CNTNAP5: variants seen among roughly 807,000 people sequenced by gnomAD.
CNTNAP5 encodes the protein contactin-associated protein-like 5.
A neutral mutation model predicts 150.2 loss-of-function variants in CNTNAP5; 72 were observed. That is an observed-to-expected ratio of 0.48 (90% CI 0.40 to 0.58). The LOEUF is 0.58. CNTNAP5 is among the 20% of genes least tolerant of loss of function. The probability of loss-of-function intolerance (pLI) is 0.00; values close to 1 mark genes in which losing one functional copy is unlikely to be tolerated. For missense variants in CNTNAP5, 1,636 were observed against 1,626.2 expected, an observed-to-expected ratio of 1.01 and a Z score of -0.10; for synonymous variants, 672 against 619.8, an observed-to-expected ratio of 1.08 and a Z score of -1.25.
At chr2:124,070,588 A>G (rs1682281319) in intron 1 of CNTNAP5, among the ~76,000 whole-genome samples, 1 of 151,996 alleles carries the variant, frequency 6.6e-6, no homozygotes, top group South Asian at 2.1e-4. Context: ...AAAAACTGAA[A>G]ATAGAGACAA....
intron 19 of CNTNAP5, among the ~76,000 whole-genome samples, chr2:124,811,110 C>A (rs990920121): frequency 6.9e-6 from 1 of 145,898 alleles, no homozygotes; most frequent in African/African-American, 2.7e-5. Flanking sequence ...TGAAAACCAA[C>A]CTCACCAAAA....
chr2:124,074,912 C>T (rs771063144), intron 1 of CNTNAP5, among the ~76,000 whole-genome samples: 2 of 152,082 alleles, frequency 1.3e-5, no homozygotes, highest in Non-Finnish European at 1.5e-5. Context: ...AAGCATGGTG[C>T]TATTCCATTT....
intron 2 of CNTNAP5, among the ~76,000 whole-genome samples, chr2:124,223,732 A>T (rs1686384364): frequency 6.6e-6 from 1 of 151,792 alleles, no homozygotes; most frequent in South Asian, 2.1e-4. Context: ...TCTTTGCTCC[A>T]ACTTATTATA....
chr2:124,753,602 A>C (rs1680776877), intron 14 of CNTNAP5, among the ~76,000 whole-genome samples: 1 of 152,318 alleles, frequency 6.6e-6, no homozygotes, highest in South Asian at 2.1e-4. Flanking sequence ...TTCATTTACC[A>C]TCATATATTC....
intron 8 of CNTNAP5, among the ~76,000 whole-genome samples, chr2:124,521,902 A>C (rs1318464702): frequency 6.6e-6 from 1 of 152,290 alleles, no homozygotes; most frequent in East Asian, 1.9e-4. Flanking sequence ...GCCAGGACAC[A>C]AACCCTGGTC....
chr2:124,520,117 G>A (rs1694818932), intron 8 of CNTNAP5, among the ~76,000 whole-genome samples: 1 of 152,142 alleles, frequency 6.6e-6, no homozygotes, highest in Non-Finnish European at 1.5e-5. Context: ...TTTTTAACAA[G>A]ATGGGAATCA....
chr2:124,900,361 T>G (rs1678391314), intron 21 of CNTNAP5, among the ~76,000 whole-genome samples: 1 of 151,538 alleles, frequency 6.6e-6, no homozygotes. Flanking sequence ...TATTTTTGTT[T>G]TTTTTCCTCT....
chr2:124,773,042 T>G (rs1204555975), intron 17 of CNTNAP5, 25 bp downstream of exon 17: 1 of 1,590,508 alleles, frequency 6.3e-7, no homozygotes, highest in Non-Finnish European at 8.6e-7. Flanking sequence ...AAGGCTCCTT[T>G]TGTGCTAAAC....
intron 11 of CNTNAP5, among the ~76,000 whole-genome samples, chr2:124,571,632 A>C (rs1261075021): frequency 2.1e-5 from 3 of 140,538 alleles, no homozygotes; most frequent in Non-Finnish European, 1.5e-5. Context: ...TCCCAGGTTC[A>C]AGCGATTCTC....
intron 1 of CNTNAP5, among the ~76,000 whole-genome samples, chr2:124,114,448 A>T (rs915416644): frequency 6.6e-6 from 1 of 152,022 alleles, no homozygotes; most frequent in East Asian, 1.9e-4. Context: ...ATACGGAAGT[A>T]AATTTATTTT....
intron 4 of CNTNAP5, among the ~76,000 whole-genome samples, chr2:124,426,438 C>G (rs1692239573): frequency 6.6e-6 from 1 of 152,152 alleles, no homozygotes; most frequent in Admixed American, 6.5e-5. Context: ...GTCTTCAGTG[C>G]AAGAGTATGG....
intron 13 of CNTNAP5, among the ~76,000 whole-genome samples, chr2:124,669,041 G>A (rs1034579193): frequency 2.0e-5 from 3 of 152,138 alleles, no homozygotes; most frequent in African/African-American, 4.8e-5. Context: ...CCTCTGTGAA[G>A]CCCACCCTGA....
intron 11 of CNTNAP5, among the ~76,000 whole-genome samples, chr2:124,573,214 T>C (rs1696205912): frequency 6.6e-6 from 1 of 152,236 alleles, no homozygotes; most frequent in African/African-American, 2.4e-5. Flanking sequence ...ATCCAAAGAC[T>C]TCTTATCAGA....
intron 1 of CNTNAP5, among the ~76,000 whole-genome samples, chr2:124,033,680 T>C (rs1681125721): frequency 2.2e-4 from 1 of 4,578 alleles, no homozygotes; most frequent in Non-Finnish European, 3.6e-4. Flanking sequence ...AGGCCAGACA[T>C]GGGCCTGGTG....
At chr2:124,449,148 A>G (rs1692902748) in intron 6 of CNTNAP5, among the ~76,000 whole-genome samples, 1 of 152,228 alleles carries the variant, frequency 6.6e-6, no homozygotes, top group Admixed American at 6.5e-5. Context: ...AAAATATGCC[A>G]TTCATTAACT....
At chr2:124,587,707 G>T (rs1011515363) in intron 11 of CNTNAP5, among the ~76,000 whole-genome samples, 2 of 152,132 alleles carry the variant, frequency 1.3e-5, no homozygotes. Context: ...AATCATCAGT[G>T]ATGCTTGAAT....
Position 124,919,791 on chromosome 2 carries a change from A to C in CNTNAP5, c.*5503A>C, listed in dbSNP as rs1678838506. On this transcript the variant is annotated 3_prime_UTR_variant, in exon 24 of 24. Coordinates refer to ENST00000682447, the MANE Select transcript of CNTNAP5 (RefSeq NM_001367498.1). Reference sequence around the variant, plus strand: ...AAATTTTTTTTCAGGATTTTCTCAGAGTGCTTTAGAACTATTATTATAATT... The same window carrying C: ...AAATTTTTTTTCAGGATTTTCTCAGCGTGCTTTAGAACTATTATTATAATT... Among the ~76,000 whole-genome samples, 1 of 151,636 alleles carries C rather than the reference A, an allele frequency of 6.6e-6. No individual in the cohort carries two copies.
At chr2:124,719,550 T>C (rs1262370421) in intron 13 of CNTNAP5, among the ~76,000 whole-genome samples, 13 of 152,200 alleles carry the variant, frequency 8.5e-5, no homozygotes, top group Non-Finnish European at 1.6e-4. Flanking sequence ...TGCCTACTTT[T>C]AATTTTCTTT....
At chr2:124,083,250 A>G (rs1682599350) in intron 1 of CNTNAP5, among the ~76,000 whole-genome samples, 1 of 152,196 alleles carries the variant, frequency 6.6e-6, no homozygotes, top group South Asian at 2.1e-4. Flanking sequence ...CAGGAGGCTG[A>G]GGCAGGAGAA....
Sources: gnomAD v4.1 joint callset for allele counts (sites outside exome capture counted in the v4.1 genomes callset) on GRCh38, gnomAD v4.1.1 for gene constraint, MANE v1.5 for transcripts, NCBI Gene and HGNC (gene_info 2026-07-23, HGNC 2026-07-21) for gene names.